The following SV2C variants were observed in gnomAD, a reference collection of about 807,000 sequenced individuals.
SV2C encodes synaptic vesicle glycoprotein 2C, also known as solute carrier family 22 member B3.
Under a neutral mutation model 79.7 loss-of-function variants are expected in SV2C, and 49 were observed. The observed-to-expected ratio is 0.61, with a 90% CI of 0.49 to 0.78. The LOEUF (loss-of-function observed/expected upper bound fraction) is 0.78, where lower values mean the gene tolerates loss of function less well. Ranked by LOEUF, SV2C falls within the 30% of genes least tolerant of loss-of-function variation. SV2C has a pLI of 0.00. For synonymous variants in SV2C, 334 were observed against 333.2 expected (o/e 1.00, Z -0.03); for missense variants, 833 against 912.9 (o/e 0.91, Z 1.13).
the SV2C span, among the ~76,000 whole-genome samples, chr5:76,073,216 G>A: frequency 2.0e-5 from 3 of 151,960 alleles, no homozygotes; most frequent in Non-Finnish European, 2.9e-5. Context: ...AATTTGTATG[G>A]TTTCAGGTCT....
chr5:76,054,123 G>C, the SV2C span, among the ~76,000 whole-genome samples: 3 of 151,928 alleles, frequency 2.0e-5, no homozygotes, highest in Non-Finnish European at 1.5e-5. Flanking sequence ...TTAGGTATTT[G>C]TCCAAATGCT....
chr5:75,911,710 G>GTCCAT, the SV2C span: 2 of 655,412 alleles, frequency 3.1e-6, no homozygotes, highest in South Asian at 2.7e-5. Context: ...GCCTGGAGAG[G>GTCCAT]CAAAGAAGAT....
At chr5:76,341,199 G>T (rs1749435232) in intron 12 of SV2C, among the ~76,000 whole-genome samples, 1 of 152,022 alleles carries the variant, frequency 6.6e-6, no homozygotes, top group Non-Finnish European at 1.5e-5. Flanking sequence ...CCAAAGTGCT[G>T]GGATTACAGA....
At chr5:76,126,815 T>G (rs1401338889) in intron 1 of SV2C, among the ~76,000 whole-genome samples, 1 of 152,154 alleles carries the variant, frequency 6.6e-6, no homozygotes, top group Non-Finnish European at 1.5e-5. Flanking sequence ...ACGTGGCAGA[T>G]GTAGTGGGTA....
At position 76,305,562 on chromosome 5, in the gene SV2C, C is replaced by T. The variant is rs570715898; in HGVS notation, c.2000+4017C>T. Among the ~76,000 whole-genome samples the T allele has an allele frequency of 7.9e-5, 12 of 152,282 alleles. No homozygotes were observed. The East Asian group carries it at 2.3e-3, about 29-fold the overall frequency. The stretch of plus-strand genomic sequence containing the variant: ...AGTCCAGATACTTGTTTCACTCTTC[C>T]TTATCTTGATTTGCCCCCTCTTATG... On this transcript the variant is annotated intron_variant, in intron 12 of 12. Coordinates refer to ENST00000502798, the MANE Select transcript of SV2C (RefSeq NM_014979.4).
the SV2C span, among the ~76,000 whole-genome samples, chr5:75,958,213 A>G: frequency 6.6e-6 from 1 of 151,972 alleles, no homozygotes; most frequent in African/African-American, 2.4e-5. Context: ...TAAGTGCATG[A>G]CCATGGGACA....
chr5:76,070,612 G>A, the SV2C span, among the ~76,000 whole-genome samples: 1 of 152,172 alleles, frequency 6.6e-6, no homozygotes, highest in Non-Finnish European at 1.5e-5. Flanking sequence ...TGGGAAGGGT[G>A]GTATGTAGAA....
At chr5:76,062,471 C>T in the SV2C span, among the ~76,000 whole-genome samples, 4 of 152,034 alleles carry the variant, frequency 2.6e-5, no homozygotes, top group Admixed American at 1.3e-4. Context: ...CTGCTGGCAC[C>T]TTGATGTTGG....
At chr5:76,076,341 G>T in the SV2C span, among the ~76,000 whole-genome samples, 1 of 152,160 alleles carries the variant, frequency 6.6e-6, no homozygotes, top group African/African-American at 2.4e-5. Context: ...ATTCCTTATA[G>T]TTTCCTATTG....
At chr5:76,274,310 G>T (rs925427889) in intron 4 of SV2C, among the ~76,000 whole-genome samples, 2 of 152,126 alleles carry the variant, frequency 1.3e-5, no homozygotes, top group Non-Finnish European at 2.9e-5. Flanking sequence ...AAAATCTTCA[G>T]AATGGAGGAC....
the SV2C span, among the ~76,000 whole-genome samples, chr5:76,056,939 A>T: frequency 6.6e-6 from 1 of 151,970 alleles, no homozygotes; most frequent in Non-Finnish European, 1.5e-5. Context: ...GTTAATTAAA[A>T]AAACAGTTCC....
chr5:76,217,220 A>G (rs1373932142), intron 4 of SV2C, among the ~76,000 whole-genome samples: 1 of 152,176 alleles, frequency 6.6e-6, no homozygotes, highest in Non-Finnish European at 1.5e-5. Flanking sequence ...GTCTCCAGCC[A>G]TGATGCGATG....
intron 12 of SV2C, among the ~76,000 whole-genome samples, chr5:76,342,320 T>G (rs940716642): frequency 6.6e-6 from 1 of 152,210 alleles, no homozygotes; most frequent in African/African-American, 2.4e-5. Context: ...TGTCCAAGGC[T>G]CTGAGTCTTT....
chr5:76,202,033 A>AAAAG (rs1247518813), intron 3 of SV2C, among the ~76,000 whole-genome samples: 3 of 150,710 alleles, frequency 2.0e-5, no homozygotes, highest in African/African-American at 7.3e-5. Flanking sequence ...AAAAAAAAAA[A>AAAAG]AAAGAAAGAA....
chr5:75,983,133 A>C, the SV2C span, among the ~76,000 whole-genome samples: 1 of 152,168 alleles, frequency 6.6e-6, no homozygotes, highest in Non-Finnish European at 1.5e-5. Context: ...AACACAACAT[A>C]ATAATCTGTA....
the SV2C span, among the ~76,000 whole-genome samples, chr5:76,076,781 C>T: frequency 6.6e-6 from 1 of 152,180 alleles, no homozygotes. Flanking sequence ...AGCATCAAGG[C>T]AACATTTTCA....
At chr5:76,254,214 ATG>A (rs984081737) in intron 4 of SV2C, among the ~76,000 whole-genome samples, 1 of 144,294 alleles carries the variant, frequency 6.9e-6, no homozygotes, top group African/African-American at 2.6e-5. Flanking sequence ...GTGTATATAT[ATG>A]TGTGTGTATA....
At chr5:76,129,095 G>C (rs1748800076) in intron 1 of SV2C, among the ~76,000 whole-genome samples, 1 of 152,188 alleles carries the variant, frequency 6.6e-6, no homozygotes, top group African/African-American at 2.4e-5. Flanking sequence ...TATAAGGATA[G>C]TACAAACTTG....
the SV2C span, among the ~76,000 whole-genome samples, chr5:75,890,393 A>C: frequency 6.6e-6 from 1 of 152,242 alleles, no homozygotes; most frequent in South Asian, 2.1e-4. Flanking sequence ...CAGAGTGGGG[A>C]CAAAGCCTAG....
Sources: gnomAD v4.1 joint callset for allele counts (sites outside exome capture counted in the v4.1 genomes callset) on GRCh38, gnomAD v4.1.1 for gene constraint, MANE v1.5 for transcripts, NCBI Gene and HGNC (gene_info 2026-07-23, HGNC 2026-07-21) for gene names.